POLB: variants seen among roughly 807,000 people sequenced by gnomAD.
The protein encoded by POLB is 5'-dRP lyase.
In POLB, 37 loss-of-function variants were observed where a neutral mutation model predicts 52.7. The ratio of observed to expected loss-of-function variants is 0.70; its 90% CI spans 0.54 to 0.92. The LOEUF (loss-of-function observed/expected upper bound fraction) is 0.92. Among genes scored for constraint, POLB ranks in the 40% least tolerant of loss-of-function variants. POLB has a pLI of 0.00. For synonymous variants in POLB, 138 were observed against 131.3 expected (o/e 1.05, Z -0.35); for missense variants, 313 against 400.8 (o/e 0.78, Z 1.87).
intron 6 of POLB, among the ~76,000 whole-genome samples, chr8:42,353,523 C>T (rs1457372759): frequency 6.6e-6 from 1 of 152,032 alleles, no homozygotes; most frequent in Non-Finnish European, 1.5e-5. Flanking sequence ...GGAATTTTTG[C>T]TTTCAAAGAA....
Position 42,338,525 on chromosome 8 carries a change from G to T in POLB, c.-100G>T. The T allele has an allele frequency of 1.9e-6, 2 of 1,039,424 alleles. No homozygotes were observed. Among genetic ancestry groups the T allele is most frequent in the Non-Finnish European group, 1.5e-6 (1 of 663,194 alleles). 64.4% of individuals were successfully genotyped at this position (1,039,424 alleles called of 1,614,324 possible). The stretch of plus-strand genomic sequence containing the variant: ...CCGCCGGTCGCGCCGGAGCTGGGTT[G>T]CTCCTGCTCCCGTCTCCAAGTCCTG... On this transcript the variant is annotated 5_prime_UTR_variant, in exon 1 of 14. Coordinates refer to ENST00000265421, the MANE Select transcript of POLB (RefSeq NM_002690.3).
Position 42,340,429 on chromosome 8 carries a change from T to A in POLB, c.119+1360T>A, listed in dbSNP as rs1822129218. The stretch of plus-strand genomic sequence containing the variant: ...GCGTAAGGTGTGTGAGAAATATGAC[T>A]GAATTTTGTATTTAGACTTGTATCT... On this transcript the variant is annotated intron_variant, in intron 2 of 13. Transcript: ENST00000265421. Among the ~76,000 whole-genome samples, 7 of 152,264 alleles carry A rather than the reference T, an allele frequency of 4.6e-5. No individual in the cohort carries two copies. In the South Asian group the frequency reaches 1.4e-3, roughly 31 times the overall value.
chr8:42,343,043 C>G (rs1309339006), intron 2 of POLB, among the ~76,000 whole-genome samples: 2 of 151,914 alleles, frequency 1.3e-5, no homozygotes, highest in Non-Finnish European at 2.9e-5. Flanking sequence ...ATAAAATTGG[C>G]TGGGCGCAGT....
chr8:42,348,195 A>G (rs1585879390), intron 3 of POLB, among the ~76,000 whole-genome samples: 1 of 152,198 alleles, frequency 6.6e-6, no homozygotes, highest in East Asian at 1.9e-4. Context: ...TAATAGAGAT[A>G]TGTATCTACT....
chr8:42,369,929 A>T lies in POLB; in HGVS notation c.854A>T (p.His285Leu). The change falls in exon 13 of 14, where the codon CAT (histidine) becomes CTT (leucine). Residue 285 changes from histidine to leucine, a missense_variant. His to Leu is a moderately conservative substitution (Grantham distance 99, BLOSUM62 -3). Transcript: ENST00000265421. ...ATTTTCAATAAGAATATGAGGGCTC[A>T]TGCCCTAGAAAAGGGTTTCACAATC... ...SDIFNKNMRA[H>L]ALEKGFTINE... 2 of 1,603,084 alleles carry T rather than the reference A, an allele frequency of 1.2e-6. No individual in the cohort carries two copies. Among genetic ancestry groups the T allele is most frequent in the Non-Finnish European group, 1.7e-6 (2 of 1,169,992 alleles).
intron 7 of POLB, 114 bp from the exon 8 acceptor site, chr8:42,357,055 T>C: frequency 1.6e-6 from 1 of 633,150 alleles, no homozygotes. Context: ...CTAGCCTTGA[T>C]TTGTGAGAAT....
At chr8:42,347,387 A>T (rs1368709335) in intron 3 of POLB, among the ~76,000 whole-genome samples, 2 of 135,848 alleles carry the variant, frequency 1.5e-5, no homozygotes, top group Non-Finnish European at 3.2e-5. Flanking sequence ...ATTATTCTAG[A>T]ATTACTCCTC....
At position 42,339,039 on chromosome 8, in the gene POLB, G is replaced by A. The variant is rs149565363; in HGVS notation, c.89G>A (p.Ser30Asn). 1.4e-5 allele frequency: 23 copies of A among 1,613,938 alleles called. No individual in the cohort carries two copies. The highest frequency in any genetic ancestry group is 1.8e-5 in the Non-Finnish European group (21 of 1,179,900). Residue 30 changes from serine (S) to asparagine (N), a missense_variant, in exon 2 of 14, where the codon AGC (serine) becomes AAC (asparagine). This residue lies in a region of POLB where 54 missense variants were observed against 63.4 expected (regional missense o/e 0.85). Transcript: ENST00000265421. ...CTCGCAAACTTTGAGAAGAACGTGAGCCAAGCTATCCACAAGTACAATGCT... is the reference window on the plus strand; with the variant it reads ...CTCGCAAACTTTGAGAAGAACGTGAACCAAGCTATCCACAAGTACAATGCT... Reference protein sequence around the residue: ...TELANFEKNVSQAIHKYNAYR... With the variant: ...TELANFEKNVNQAIHKYNAYR...
At chr8:42,352,622 A>G in intron 6 of POLB, 54 bp downstream of exon 6, 5 of 1,028,718 alleles carry the variant, frequency 4.9e-6, no homozygotes, top group South Asian at 1.3e-5. Context: ...CTGAAGGACC[A>G]TTAGTGCTCT....
intron 13 of POLB, 49 bp downstream of exon 13, chr8:42,370,037 G>T: frequency 6.8e-7 from 1 of 1,460,766 alleles, no homozygotes; most frequent in Non-Finnish European, 9.6e-7. Flanking sequence ...TGGAGAGAAG[G>T]TTATTTTCAA....
At chr8:42,347,758 T>G (rs1822724948) in intron 3 of POLB, among the ~76,000 whole-genome samples, 1 of 152,202 alleles carries the variant, frequency 6.6e-6, no homozygotes, top group South Asian at 2.1e-4. Context: ...TTCCTAAATC[T>G]TTTGTTCATT....
intron 9 of POLB, chr8:42,357,994 G>A (rs1823431855): frequency 6.6e-6 from 1 of 152,010 alleles, no homozygotes; most frequent in Non-Finnish European, 1.5e-5. Flanking sequence ...CAAAGTGCTG[G>A]GATTACAGGC....
chr8:42,358,502 CA>C (rs112102844), intron 9 of POLB, among the ~76,000 whole-genome samples: 35,893 of 146,212 alleles, frequency 0.25, 8,312 homozygotes, highest in African/African-American at 0.61. Context: ...ACTCCATCTC[CA>C]AAAAAAAAAG....
At chr8:42,341,714 G>A (rs1316272367) in intron 2 of POLB, 1 of 306,480 alleles carries the variant, frequency 3.3e-6, no homozygotes, top group African/African-American at 2.2e-5. Context: ...TTTTTTTTCT[G>A]TCCATAAGTT....
chr8:42,355,708 TCTTACA>T (rs2130817853), intron 7 of POLB, 141 bp downstream of exon 7: 1 of 591,486 alleles, frequency 1.7e-6, no homozygotes, highest in East Asian at 2.8e-5. Flanking sequence ...ATTTGTGGAC[TCTTACA>T]GAGTATCTGC....
intron 2 of POLB, among the ~76,000 whole-genome samples, chr8:42,343,617 G>A (rs1822397698): frequency 1.5e-5 from 1 of 66,862 alleles, no homozygotes; most frequent in Non-Finnish European, 6.1e-5. Flanking sequence ...CTAAAAACTA[G>A]CTATTTTAAA....
intron 13 of POLB, chr8:42,370,239 T>C: frequency 1.9e-6 from 1 of 538,164 alleles, no homozygotes; most frequent in East Asian, 4.0e-5. Context: ...CTCAGTAAAA[T>C]ATCTTATTCA....
chr8:42,339,265 A>G, intron 2 of POLB, 196 bp downstream of exon 2: 1 of 591,438 alleles, frequency 1.7e-6, no homozygotes, highest in Non-Finnish European at 3.1e-6. Flanking sequence ...ATAAGTTCCC[A>G]ATTCTGATTG....
At position 42,361,342 on chromosome 8, in the gene POLB, T is replaced by G. The variant is rs745652653; in HGVS notation, c.598T>G (p.Phe200Val). 3.5e-5 allele frequency: 57 copies of G among 1,612,114 alleles called. No individual in the cohort carries two copies. The highest frequency in any genetic ancestry group is 1.6e-4 in the Middle Eastern group (1 of 6,082). ...DMDVLLTHPS[F>V]TSESTKQPKL... The stretch of plus-strand genomic sequence containing the variant: ...GGATGTTCTCCTGACCCATCCCAGC[T>G]TCACTTCAGAATCAACCAAACAGGT... The change falls in exon 10 of 14, where the codon TTC becomes GTC. Residue 200 changes from phenylalanine to valine, a missense_variant. Coordinates refer to ENST00000265421, the MANE Select transcript of POLB (RefSeq NM_002690.3).
Sources: gnomAD v4.1 joint callset for allele counts (sites outside exome capture counted in the v4.1 genomes callset) on GRCh38, gnomAD v4.1.1 for gene constraint, gnomAD v4.1.1 regional missense constraint, MANE v1.5 for transcripts, NCBI Gene and HGNC (gene_info 2026-07-23, HGNC 2026-07-21) for gene names.